COL7A1: variants seen among roughly 807,000 people sequenced by gnomAD.
COL7A1 encodes collagen alpha-1(VII) chain.
In COL7A1, 296 loss-of-function variants were observed where a neutral mutation model predicts 456.2. The observed-to-expected ratio is 0.65, with a 90% CI of 0.59 to 0.71. The LOEUF is 0.71. Ranked by LOEUF, COL7A1 falls within the 30% of genes least tolerant of loss-of-function variation. COL7A1 has a pLI of 0.00. For missense variants in COL7A1, 3,441 were observed against 4,017.2 expected, an observed-to-expected ratio of 0.86 and a Z score of 3.88; for synonymous variants, 1,464 against 1,525.9, an observed-to-expected ratio of 0.96 and a Z score of 0.95.
chr3:48,569,744 G>A lies in COL7A1; in HGVS notation c.7538C>T (p.Ala2513Val), dbSNP rs1437294275. 2.5e-6 allele frequency: 4 copies of A among 1,614,152 alleles called. No individual in the cohort carries two copies. The East Asian group carries it at 8.9e-5, about 36-fold the overall frequency. ...ERGEKGDVGS[A>V]GLKGDKGDSA... The stretch of plus-strand genomic sequence containing the variant: ...ACTCACCTTGTCACCCTTTAGTCCT[G>A]CACTCCCAACATCACCCTATTGGGC... Residue 2513 changes from alanine to valine, a missense_variant, in exon 101 of 119, where the codon GCA becomes GTA. Transcript: ENST00000681320. The surrounding 1 kb of genome is among the most constrained non-coding windows in gnomAD (Gnocchi z 4.9).
rs2043625281 is a variant in COL7A1, at chr3:48,566,738, C to G, written c.8227-1G>C. 1 of 1,613,776 alleles carries G rather than the reference C, an allele frequency of 6.2e-7. No homozygotes were observed. Among genetic ancestry groups the G allele is most frequent in the Non-Finnish European group, 8.5e-7 (1 of 1,179,982 alleles). Reference sequence around the variant, plus strand: ...TCTCTCCGGGGGGACCTCGCTCACCCTGTCAGACACAGGGACCAAGTGAGC... The same window carrying G: ...TCTCTCCGGGGGGACCTCGCTCACCGTGTCAGACACAGGGACCAAGTGAGC... On this transcript the variant is annotated splice_acceptor_variant, in intron 111 of 118. Transcript: ENST00000681320. LOFTEE classifies it high-confidence loss of function. This position sits in a 1 kb window ranked among gnomAD's most constrained non-coding sequence, Gnocchi z 5.9.
chr3:48,566,961 T>C lies in COL7A1; in HGVS notation c.8172A>G (p.Pro2724=), dbSNP rs1467198196. 1 of 1,611,610 alleles carries C rather than the reference T, an allele frequency of 6.2e-7. No homozygotes were observed. Among genetic ancestry groups the C allele is most frequent in the African/African-American group, 1.3e-5 (1 of 74,860 alleles). ...PSGNDGSAGP[P]GPPGSVGPRG... ...TGGGACCAACACTGCCAGGTGGCCC[T>C]GGGGGACCAGCAGAGCCATCATTTC... The change falls in exon 111 of 119, where the codon CCA becomes CCG. Residue 2724 remains proline, a synonymous_variant. Coordinates refer to ENST00000681320, the MANE Select transcript of COL7A1 (RefSeq NM_000094.4). This position sits in a 1 kb window ranked among gnomAD's most constrained non-coding sequence, Gnocchi z 5.9.
chr3:48,569,953 G>A lies in COL7A1; in HGVS notation c.7486-38C>T, dbSNP rs202016635. ...AGGTGACCGTGAGCTACAGGAACCA[G>A]GGCAGTGGAGGACGGAGGAGGATCA... is the stretch of plus-strand genomic sequence containing the variant. On this transcript the variant is annotated intron_variant, in intron 99 of 118. Transcript: ENST00000681320. This position sits in a 1 kb window ranked among gnomAD's most constrained non-coding sequence, Gnocchi z 4.9. 6.2e-7 allele frequency: 1 copy of A among 1,613,664 alleles called. No homozygotes were observed. Among genetic ancestry groups the A allele is most frequent in the East Asian group, 2.2e-5 (1 of 44,866 alleles).
Position 48,573,531 on chromosome 3 carries a change from T to C in COL7A1, c.6600A>G (p.Gln2200=). 3 of 1,614,064 alleles carry C rather than the reference T, an allele frequency of 1.9e-6. No individual in the cohort carries two copies. Among genetic ancestry groups the C allele is most frequent in the Non-Finnish European group, 2.5e-6 (3 of 1,180,000 alleles). The part of the protein sequence containing the change: ...APGLAGPAGP[Q]GPSGLKGEPG... Reference sequence around the variant, plus strand: ...GACTCACCTTCAGGCCAGAAGGTCCTTGGGGTCCTGCAGGGCCAGCAAGAC... The same window carrying C: ...GACTCACCTTCAGGCCAGAAGGTCCCTGGGGTCCTGCAGGGCCAGCAAGAC... Residue 2200 remains glutamine (Q), a synonymous_variant, in exon 83 of 119, where the codon CAA becomes CAG. Coordinates refer to ENST00000681320, the MANE Select transcript of COL7A1 (RefSeq NM_000094.4). This position sits in a 1 kb window ranked among gnomAD's most constrained non-coding sequence, Gnocchi z 5.5.
rs1217605709 is a variant in COL7A1 at position 48,566,421 on chromosome 3, A to G, written c.8358+89T>C. The G allele has an allele frequency of 3.7e-6, 6 of 1,607,414 alleles. No homozygotes were observed. Among genetic ancestry groups the G allele is most frequent in the Non-Finnish European group, 5.1e-6 (6 of 1,174,898 alleles). ...GTGAGACTGCATGGAGCCAGGGCCCAGGGGTCAGGGTGCTGGGTGAGGGAG... is the reference window on the plus strand; with the variant it reads ...GTGAGACTGCATGGAGCCAGGGCCCGGGGGTCAGGGTGCTGGGTGAGGGAG... On this transcript the variant is annotated intron_variant, in intron 113 of 118. Coordinates refer to ENST00000681320, the MANE Select transcript of COL7A1 (RefSeq NM_000094.4). This position sits in a 1 kb window ranked among gnomAD's most constrained non-coding sequence, Gnocchi z 5.9.
intron 36 of COL7A1, 34 bp downstream of exon 36, chr3:48,584,451 A>G (rs768168895): frequency 6.2e-7 from 1 of 1,612,788 alleles, no homozygotes; most frequent in Non-Finnish European, 8.5e-7. Context: ...TCCCCCCACT[A>G]CACATCACTT....
rs1431861545 is a variant in COL7A1, at chr3:48,588,414, A to T, written c.2588-10T>A. The T allele has an allele frequency of 1.9e-6, 3 of 1,607,768 alleles. No homozygotes were observed. Among genetic ancestry groups the T allele is most frequent in the Non-Finnish European group, 2.5e-6 (3 of 1,179,664 alleles). ...GGCGGAGCCTCAGGCGCTGGAGAGA[A>T]AGCTCAGGAATCAGGGAGGCTCTGC... On this transcript the variant is annotated splice_polypyrimidine_tract_variant and intron_variant, in intron 20 of 118. Transcript: ENST00000681320. The surrounding 1 kb of genome is among the most constrained non-coding windows in gnomAD (Gnocchi z 4.6).
In COL7A1 at chr3:48,586,853, C is replaced by G; in HGVS notation, c.3276+119G>C. 1 of 1,522,358 alleles carries G rather than the reference C, an allele frequency of 6.6e-7. No homozygotes were observed. Among genetic ancestry groups the G allele is most frequent in the Non-Finnish European group, 8.9e-7 (1 of 1,123,886 alleles). The allele number at this position is 1,522,358 out of a possible 1,614,324, so 94.3% of individuals were successfully genotyped here. ...GCCAGGCAGTAGGTGAGGTCTGGAGCCTGTGAGAGAGCTGGGAGAATGCCT... is the reference window on the plus strand; with the variant it reads ...GCCAGGCAGTAGGTGAGGTCTGGAGGCTGTGAGAGAGCTGGGAGAATGCCT... On this transcript the variant is annotated intron_variant, in intron 25 of 118. Transcript: ENST00000681320. The surrounding 1 kb of genome is among the most constrained non-coding windows in gnomAD (Gnocchi z 5.1).
chr3:48,572,166 G>A lies in COL7A1; in HGVS notation c.6984C>T (p.Ala2328=), dbSNP rs766048945. 1.2e-6 allele frequency: 2 copies of A among 1,614,034 alleles called. No individual in the cohort carries two copies. The highest frequency in any genetic ancestry group is 1.1e-5 in the South Asian group (1 of 91,080). Residue 2328 remains alanine, a synonymous_variant, in exon 91 of 119, where the codon GCC becomes GCT. Coordinates refer to ENST00000681320, the MANE Select transcript of COL7A1 (RefSeq NM_000094.4). The surrounding 1 kb of genome is among the most constrained non-coding windows in gnomAD (Gnocchi z 4.6). Reference sequence around the variant, plus strand: ...GCCCTGGCAGTCCTCGGTCACCTTTGGCTCCCTGTTGACAGAGGTCAGGAG... The same window carrying A: ...GCCCTGGCAGTCCTCGGTCACCTTTAGCTCCCTGTTGACAGAGGTCAGGAG... ...LAGDLVGEPG[A]KGDRGLPGPR... is the part of the protein sequence containing the mutation.
Position 48,579,611 on chromosome 3 carries a change from G to A in COL7A1, c.5212C>T (p.Leu1738Phe). The change falls in exon 59 of 119, where the codon CTC (leucine) becomes TTC (phenylalanine). Residue 1738 changes from leucine to phenylalanine, a missense_variant. By Grantham distance (22) the Leu-to-Phe change is conservative. Around this residue, in one of 3 missense-constraint regions of COL7A1, gnomAD observed 2,084 missense variants for 2,501.3 expected, o/e 0.83. Transcript: ENST00000681320. The surrounding 1 kb of genome is among the most constrained non-coding windows in gnomAD (Gnocchi z 4.4). ...GPRGPKGDPG[L>F]PGAPGERGIE... is the part of the protein sequence containing the mutation. Reference sequence around the variant, plus strand: ...ACCCTTTCCCCAGGGGCTCCAGGGAGGCCAGGATCACCCTTGGGCCCTCGA... The same window carrying A: ...ACCCTTTCCCCAGGGGCTCCAGGGAAGCCAGGATCACCCTTGGGCCCTCGA... 1 of 1,613,598 alleles carries A rather than the reference G, an allele frequency of 6.2e-7. No homozygotes were observed. Among genetic ancestry groups the A allele is most frequent in the South Asian group, 1.1e-5 (1 of 91,060 alleles).
intron 2 of COL7A1, 63 bp downstream of exon 2, chr3:48,595,012 C>CGAGTG: frequency 7.4e-7 from 1 of 1,352,140 alleles, no homozygotes; most frequent in Non-Finnish European, 1.0e-6. Flanking sequence ...GGATGAAGGC[C>CGAGTG]GAGTGGAGCG....
Position 48,569,264 on chromosome 3 carries a change from C to A in COL7A1, c.7686+111G>T. 7.5e-7 allele frequency: 1 copy of A among 1,340,714 alleles called. No homozygotes were observed. The highest frequency in any genetic ancestry group is 1.1e-6 in the Non-Finnish European group (1 of 933,858). 83.1% of individuals were successfully genotyped at this position (1,340,714 alleles called of 1,614,324 possible). On this transcript the variant is annotated intron_variant, in intron 103 of 118. Coordinates refer to ENST00000681320, the MANE Select transcript of COL7A1 (RefSeq NM_000094.4). This position sits in a 1 kb window ranked among gnomAD's most constrained non-coding sequence, Gnocchi z 4.9. ...CATAGTCAGCCACAGAACCCCTTCCCCCTAAACCCCAGAAAGCCTCCTCCT... is the reference window on the plus strand; with the variant it reads ...CATAGTCAGCCACAGAACCCCTTCCACCTAAACCCCAGAAAGCCTCCTCCT...
At position 48,571,873 on chromosome 3, in the gene COL7A1, C is replaced by A; in HGVS notation, c.7068+128G>T. ...GGCTCCCTGTGATCCAGAGAGCAGG[C>A]TCCTGGATGTTGGGACATGCAGCCC... is the stretch of plus-strand genomic sequence containing the variant. On this transcript the variant is annotated intron_variant, in intron 92 of 118. Transcript: ENST00000681320. This position sits in a 1 kb window ranked among gnomAD's most constrained non-coding sequence, Gnocchi z 4.6. 1 of 1,138,724 alleles carries A rather than the reference C, an allele frequency of 8.8e-7. No individual in the cohort carries two copies. The highest frequency in any genetic ancestry group is 1.3e-6 in the Non-Finnish European group (1 of 778,184). The allele number at this position is 1,138,724 out of a possible 1,614,324, so 70.5% of individuals were successfully genotyped here.
chr3:48,588,646 AGT>A lies in COL7A1; in HGVS notation c.2581_2582del (p.Thr861TyrfsTer4). On this transcript the variant is annotated frameshift_variant, in exon 20 of 119. Coordinates refer to ENST00000681320, the MANE Select transcript of COL7A1 (RefSeq NM_000094.4). LOFTEE classifies it high-confidence loss of function. This position sits in a 1 kb window ranked among gnomAD's most constrained non-coding sequence, Gnocchi z 4.6. The stretch of plus-strand genomic sequence containing the variant: ...TCCAGCGCATGCTCTGCCTACGCGT[AGT>A]GACAACAATGGAGACAGGTGTGCCC... The part of the protein sequence containing the change: ...REGTPVSIVV[T>X]TPPEAPPALG... The A allele has an allele frequency of 6.2e-7, 1 of 1,613,856 alleles. No individual in the cohort carries two copies.
rs753702106 is a variant in COL7A1 at position 48,575,491 on chromosome 3, C to T, written c.6028G>A (p.Asp2010Asn). The change falls in exon 74 of 119, where the codon GAC becomes AAC. Residue 2010 changes from aspartate (D) to asparagine (N), a missense_variant. Coordinates refer to ENST00000681320, the MANE Select transcript of COL7A1 (RefSeq NM_000094.4). The surrounding 1 kb of genome is among the most constrained non-coding windows in gnomAD (Gnocchi z 6.3). ...GERGLKGDRG[D>N]PGPQGPPGLA... ...CCAGGTGGCCCCTGAGGGCCAGGGT[C>T]TCCACGGTCGCCCTTCAGCCCGCGT... 4 of 1,612,380 alleles carry T rather than the reference C, an allele frequency of 2.5e-6. No homozygotes were observed. The South Asian group carries it at 4.4e-5, about 18-fold the overall frequency.
rs1330472333 is a variant in COL7A1 at position 48,565,181 on chromosome 3, C to A, written c.8548G>T (p.Asp2850Tyr). 1 of 1,613,922 alleles carries A rather than the reference C, an allele frequency of 6.2e-7. No homozygotes were observed. Among genetic ancestry groups the A allele is most frequent in the South Asian group, 1.1e-5 (1 of 90,982 alleles). ...EEEERVPPEDDEYSEYSEYSV... is the reference protein window; with the variant it reads ...EEEERVPPEDYEYSEYSEYSV... ...TACTCGGAGTATTCAGAGTACTCAT[C>A]ATCCTCAGGGGGTACCCGCTCTGCA... The change falls in exon 117 of 119, where the codon GAT (aspartate) becomes TAT (tyrosine). Residue 2850 changes from aspartate to tyrosine, a missense_variant. Physicochemically the swap from Asp to Tyr is radical, Grantham distance 160. Coordinates refer to ENST00000681320, the MANE Select transcript of COL7A1 (RefSeq NM_000094.4). The surrounding 1 kb of genome is among the most constrained non-coding windows in gnomAD (Gnocchi z 4.5).
In COL7A1 at chr3:48,591,750, C is replaced by T. The variant is rs1272811072; in HGVS notation, c.1430G>A (p.Gly477Asp). ...TRYQLDGLQP[G>D]TEYRLTLYTL... ...GTAGAGTGTGAGGCGGTACTCAGTG[C>T]CCGGCTGCAGCCCATCCAACTGGTA... Residue 477 changes from glycine to aspartate, a missense_variant, in exon 12 of 119, where the codon GGC (glycine) becomes GAC (aspartate). Gly to Asp is a moderately conservative substitution (Grantham distance 94). Around this residue, in one of 3 missense-constraint regions of COL7A1, gnomAD observed 913 missense variants for 1,088.2 expected, o/e 0.84. Transcript: ENST00000681320. This position sits in a 1 kb window ranked among gnomAD's most constrained non-coding sequence, Gnocchi z 7.0. 3 of 1,614,140 alleles carry T rather than the reference C, an allele frequency of 1.9e-6. No homozygotes were observed. Among genetic ancestry groups the T allele is most frequent in the Admixed American group, 1.7e-5 (1 of 60,024 alleles).
chr3:48,577,246 T>A (rs758764796), intron 65 of COL7A1, among the ~76,000 whole-genome samples: 5 of 152,270 alleles, frequency 3.3e-5, no homozygotes, highest in African/African-American at 1.2e-4. Flanking sequence ...ACTGCACACA[T>A]GTCCTTTGAC....
Position 48,575,514 on chromosome 3 carries a change from C to G in COL7A1, c.6005G>C (p.Arg2002Pro). The change falls in exon 74 of 119, where the codon CGC becomes CCC. Residue 2002 changes from arginine to proline, a missense_variant. Arg to Pro is a moderately radical substitution (Grantham distance 103). This residue lies in a region of COL7A1 where 2,084 missense variants were observed against 2,501.3 expected (regional missense o/e 0.83). Transcript: ENST00000681320. The surrounding 1 kb of genome is among the most constrained non-coding windows in gnomAD (Gnocchi z 6.3). ...GTCTCCACGGTCGCCCTTCAGCCCGCGTTCTCCAGGAAAGCCGATGGGGCC... is the reference window on the plus strand; with the variant it reads ...GTCTCCACGGTCGCCCTTCAGCCCGGGTTCTCCAGGAAAGCCGATGGGGCC... ...KEGPIGFPGE[R>P]GLKGDRGDPG... is the part of the protein sequence containing the mutation. The G allele has an allele frequency of 6.2e-7, 1 of 1,612,734 alleles. No homozygotes were observed. The highest frequency in any genetic ancestry group is 1.1e-5 in the South Asian group (1 of 91,084).
Sources: gnomAD v4.1 joint callset for allele counts (sites outside exome capture counted in the v4.1 genomes callset) on GRCh38, gnomAD v4.1.1 for gene constraint, gnomAD v4.1.1 regional missense constraint, Gnocchi (gnomAD v3.1) non-coding constraint, MANE v1.5 for transcripts, NCBI Gene and HGNC (gene_info 2026-07-23, HGNC 2026-07-21) for gene names.